The following GPR149 variants were observed in gnomAD, a reference collection of about 807,000 sequenced individuals.
The protein encoded by GPR149 is probable G protein-coupled receptor 149.
GPR149 carries 50 observed loss-of-function variants against 50.2 expected under a neutral mutation model. The observed-to-expected ratio is 1.00, with a 90% CI of 0.79 to 1.26. The LOEUF (loss-of-function observed/expected upper bound fraction) is 1.26, where lower values mean the gene tolerates loss of function less well. Among genes scored for constraint, GPR149 ranks in the 50% most tolerant of loss-of-function variants. The probability of loss-of-function intolerance (pLI) is 0.00; values close to 1 mark genes in which losing one functional copy is unlikely to be tolerated. For missense variants in GPR149, 983 were observed against 895.4 expected (o/e 1.10, Z -1.25); for synonymous variants, 405 against 358.2 (o/e 1.13, Z -1.48).
chr3:154,356,769 T>C (rs1197124438), intron 3 of GPR149, among the ~76,000 whole-genome samples: 1 of 152,052 alleles, frequency 6.6e-6, no homozygotes, highest in African/African-American at 2.4e-5. Context: ...AGGTAATTTA[T>C]AGATTCAATG....
chr3:154,400,064 G>A (rs1181641268), intron 3 of GPR149, among the ~76,000 whole-genome samples: 1 of 152,112 alleles, frequency 6.6e-6, no homozygotes, highest in East Asian at 1.9e-4. Context: ...TCGGCTCACT[G>A]CAAGCTCCGC....
intron 3 of GPR149, among the ~76,000 whole-genome samples, chr3:154,369,905 T>C (rs1001733846): frequency 6.6e-6 from 1 of 152,172 alleles, no homozygotes; most frequent in Non-Finnish European, 1.5e-5. Flanking sequence ...AATGATCGAA[T>C]GACCCCGGAG....
intron 3 of GPR149, among the ~76,000 whole-genome samples, chr3:154,339,168 C>T (rs1196211994): frequency 6.6e-6 from 1 of 152,188 alleles, no homozygotes; most frequent in African/African-American, 2.4e-5. Context: ...TCCAACCCAG[C>T]ATCGTCAGCA....
chr3:154,377,746 G>A (rs1296421421), intron 3 of GPR149, among the ~76,000 whole-genome samples: 7 of 152,110 alleles, frequency 4.6e-5, no homozygotes, highest in Non-Finnish European at 1.0e-4. Context: ...AAAGAGTGCA[G>A]TTCAATGATA....
chr3:154,368,651 G>A (rs1012836150), intron 3 of GPR149, among the ~76,000 whole-genome samples: 3 of 152,178 alleles, frequency 2.0e-5, no homozygotes, highest in Non-Finnish European at 2.9e-5. Flanking sequence ...AGTCAGTTGG[G>A]ACACAGGATA....
intron 3 of GPR149, 63 bp downstream of exon 3, chr3:154,420,976 T>A: frequency 8.3e-7 from 1 of 1,197,792 alleles, no homozygotes; most frequent in Non-Finnish European, 1.2e-6. Context: ...CTGATAATGT[T>A]TTTCATGACT....
At chr3:154,410,490 G>T (rs1040388233) in intron 3 of GPR149, among the ~76,000 whole-genome samples, 1 of 151,988 alleles carries the variant, frequency 6.6e-6, no homozygotes, top group Admixed American at 6.6e-5. Context: ...CAGGAGACTC[G>T]CCTAACACGT....
chr3:154,415,261 T>C (rs1165929892), intron 3 of GPR149, among the ~76,000 whole-genome samples: 2 of 151,896 alleles, frequency 1.3e-5, no homozygotes, highest in Non-Finnish European at 2.9e-5. Flanking sequence ...ACAGATAAAT[T>C]ATATGATTCC....
At chr3:154,364,520 C>T (rs1714486332) in intron 3 of GPR149, among the ~76,000 whole-genome samples, 1 of 152,164 alleles carries the variant, frequency 6.6e-6, no homozygotes, top group Admixed American at 6.5e-5. Context: ...TAGCTATGAG[C>T]CTGTGAAATC....
At chr3:154,406,528 A>G (rs1031921395) in intron 3 of GPR149, among the ~76,000 whole-genome samples, 4 of 152,208 alleles carry the variant, frequency 2.6e-5, no homozygotes, top group Admixed American at 1.3e-4. Context: ...GAGTAGTTAA[A>G]TTGACTATGG....
At chr3:154,365,128 C>T (rs558998796) in intron 3 of GPR149, among the ~76,000 whole-genome samples, 211 of 152,212 alleles carry the variant, frequency 1.4e-3, no homozygotes, top group Non-Finnish European at 2.4e-3. Context: ...AATACCTCCA[C>T]AGCTTGTGTA....
rs555414715 is a variant in GPR149, at chr3:154,359,142, C to T, written c.1624-20871G>A. Among the ~76,000 whole-genome samples the T allele has an allele frequency of 5.1e-4, 78 of 152,100 alleles. 1 individual carries two copies. Among genetic ancestry groups the T allele is most frequent in the African/African-American group, 1.8e-3 (75 of 41,498 alleles). On this transcript the variant is annotated intron_variant, in intron 3 of 3. Transcript: ENST00000389740. ...GTTTTTTTTTGTGCAAAATAAGGGA[C>T]ATTCTTTAGAAAATTCTGTGATACT...
At position 154,337,717 on chromosome 3, in the gene GPR149, T is replaced by C; in HGVS notation, c.2178A>G (p.Glu726=). Residue 726 remains glutamate (E), a synonymous_variant, in exon 4 of 4, where the codon GAA becomes GAG. Transcript: ENST00000389740. ...LLNKAYRKRE[E]ESKGS ...ATACCCACTAACTACCCTTGCTTTCTTCCTCTCTTTTTCTGTAAGCTTTAT... is the reference window on the plus strand; with the variant it reads ...ATACCCACTAACTACCCTTGCTTTCCTCCTCTCTTTTTCTGTAAGCTTTAT... The C allele has an allele frequency of 6.2e-7, 1 of 1,601,470 alleles. No individual in the cohort carries two copies. Among genetic ancestry groups the C allele is most frequent in the Non-Finnish European group, 8.5e-7 (1 of 1,173,934 alleles).
intron 3 of GPR149, among the ~76,000 whole-genome samples, chr3:154,394,396 T>C (rs1366832736): frequency 6.6e-6 from 1 of 152,068 alleles, no homozygotes; most frequent in Non-Finnish European, 1.5e-5. Context: ...TTGCTCAAAA[T>C]GGTTTAAGTG....
At chr3:154,391,518 G>A (rs1032765792) in intron 3 of GPR149, among the ~76,000 whole-genome samples, 9 of 150,892 alleles carry the variant, frequency 6.0e-5, no homozygotes, top group Admixed American at 1.3e-4. Flanking sequence ...GAAGAATACA[G>A]CAAGGAAAAA....
chr3:154,346,130 T>C (rs1418145760), intron 3 of GPR149, among the ~76,000 whole-genome samples: 3 of 152,192 alleles, frequency 2.0e-5, no homozygotes, highest in Non-Finnish European at 1.5e-5. Context: ...TAAACTCATA[T>C]AGATGATCGT....
intron 3 of GPR149, among the ~76,000 whole-genome samples, chr3:154,358,119 A>G (rs2108393483): frequency 6.6e-6 from 1 of 151,434 alleles, no homozygotes; most frequent in Non-Finnish European, 1.5e-5. Context: ...GAAGGGGAAC[A>G]TCACACACTG....
chr3:154,428,625 G>T lies in GPR149; in HGVS notation c.981+10C>A, dbSNP rs555842455. On this transcript the variant is annotated intron_variant, in intron 1 of 3. Transcript: ENST00000389740. ...ACACACTCGCGCTTTGTGAGCAACT[G>T]CACTTTTACCATCATGGGCAGCCAA... 1.3e-4 allele frequency: 216 copies of T among 1,607,236 alleles called. 3 individuals are homozygous for T. In the South Asian group the frequency reaches 2.2e-3, roughly 16 times the overall value.
At chr3:154,397,722 T>G (rs1389958960) in intron 3 of GPR149, among the ~76,000 whole-genome samples, 2 of 152,164 alleles carry the variant, frequency 1.3e-5, no homozygotes, top group Non-Finnish European at 2.9e-5. Context: ...GCTAGCACTG[T>G]GACATCATTG....
Sources: allele counts gnomAD v4.1 joint callset (sites outside exome capture counted in the v4.1 genomes callset), GRCh38; gene constraint gnomAD v4.1.1; transcripts MANE v1.5; gene names NCBI Gene and HGNC (gene_info 2026-07-23, HGNC 2026-07-21).